The following RBFOX1 variants were observed in gnomAD, a reference collection of about 807,000 sequenced individuals.
RBFOX1 encodes the protein RNA binding fox-1 homolog 1, also known as RNA binding protein fox-1 homolog 1.
Under a neutral mutation model 57.7 loss-of-function variants are expected in RBFOX1, and 8 were observed. That is an observed-to-expected ratio of 0.14 (90% CI 0.08 to 0.25). The LOEUF is 0.25. Among genes scored for constraint, RBFOX1 ranks in the 10% least tolerant of loss-of-function variants. The probability of loss-of-function intolerance (pLI) is 1.00; values close to 1 mark genes in which losing one functional copy is unlikely to be tolerated. For missense variants in RBFOX1, 611 were observed against 548.5 expected (o/e 1.11, Z -1.14); for synonymous variants, 326 against 222.4 (o/e 1.47, Z -4.15).
intron 4 of RBFOX1, among the ~76,000 whole-genome samples, chr16:7,284,338 C>A (rs1220988555): frequency 2.0e-5 from 3 of 152,068 alleles, no homozygotes; most frequent in African/African-American, 7.2e-5. Context: ...TAACTTTATT[C>A]ATTCATTTAA....
At chr16:6,730,696 T>A (rs1299013601) in intron 3 of RBFOX1, among the ~76,000 whole-genome samples, 1 of 152,208 alleles carries the variant, frequency 6.6e-6, no homozygotes, top group Non-Finnish European at 1.5e-5. Context: ...GAAATGCCAC[T>A]GTCCAAACGA....
intron 3 of RBFOX1, among the ~76,000 whole-genome samples, chr16:6,870,459 C>G (rs779707466): frequency 6.6e-6 from 1 of 152,110 alleles, no homozygotes; most frequent in Non-Finnish European, 1.5e-5. Context: ...AGTTGACACA[C>G]GTCTGGCTAG....
At chr16:7,124,183 CA>C (rs1268174557) in intron 4 of RBFOX1, among the ~76,000 whole-genome samples, 1 of 152,128 alleles carries the variant, frequency 6.6e-6, no homozygotes, top group Non-Finnish European at 1.5e-5. Flanking sequence ...TCTGTAATGA[CA>C]GCACTTCGGG....
At chr16:7,176,011 TGTGA>T (rs1478798369) in intron 4 of RBFOX1, among the ~76,000 whole-genome samples, 1 of 152,020 alleles carries the variant, frequency 6.6e-6, no homozygotes, top group Non-Finnish European at 1.5e-5. Context: ...AGCCATCCGA[TGTGA>T]GTGTCAGTTC....
intron 1 of RBFOX1, among the ~76,000 whole-genome samples, chr16:5,444,440 A>G (rs1421337139): frequency 6.6e-6 from 1 of 152,210 alleles, no homozygotes; most frequent in African/African-American, 2.4e-5. Context: ...CAAACAGAGC[A>G]TGAAGAAAAT....
chr16:7,320,647 G>A (rs958177838), intron 4 of RBFOX1, among the ~76,000 whole-genome samples: 9 of 152,198 alleles, frequency 5.9e-5, no homozygotes, highest in Admixed American at 1.3e-4. Flanking sequence ...ATGAAACTGG[G>A]ATAATTGAAG....
intron 4 of RBFOX1, among the ~76,000 whole-genome samples, chr16:7,149,842 G>C (rs373087618): frequency 6.6e-6 from 1 of 152,122 alleles, no homozygotes; most frequent in African/African-American, 2.4e-5. Context: ...AAGGCTCCCA[G>C]TCGGAGCACC....
chr16:7,072,919 A>C (rs544867769), intron 4 of RBFOX1, among the ~76,000 whole-genome samples: 12 of 152,328 alleles, frequency 7.9e-5, no homozygotes, highest in African/African-American at 2.6e-4. Flanking sequence ...ACCGGTTGCT[A>C]CAGAAAGGAC....
In RBFOX1 at chr16:6,681,109, G is replaced by A. The variant is rs564221329; in HGVS notation, c.-16+26459G>A. Among the ~76,000 whole-genome samples the A allele has an allele frequency of 2.6e-5, 4 of 152,086 alleles. No individual in the cohort carries two copies. In the South Asian group the frequency reaches 6.2e-4, roughly 24 times the overall value. The stretch of plus-strand genomic sequence containing the variant: ...GTGGATCATTTGAGGTCAGGAGTTC[G>A]AGACCATCCTGGGAAACATGGTGAG... On this transcript the variant is annotated intron_variant, in intron 3 of 15. Transcript: ENST00000550418.
chr16:7,036,607 C>T (rs994910204), intron 3 of RBFOX1, among the ~76,000 whole-genome samples: 1 of 151,814 alleles, frequency 6.6e-6, no homozygotes, highest in Non-Finnish European at 1.5e-5. Flanking sequence ...GCTGGAGAAT[C>T]GCTTGAAACC....
At chr16:6,658,213 G>A (rs924267507) in intron 3 of RBFOX1, among the ~76,000 whole-genome samples, 1 of 151,348 alleles carries the variant, frequency 6.6e-6, no homozygotes, top group Non-Finnish European at 1.5e-5. Flanking sequence ...AAGATAAACT[G>A]TGAATTTCAA....
rs909035260 is a variant in RBFOX1 at position 6,655,784 on chromosome 16, G to T, written c.-16+1134G>T. Among the ~76,000 whole-genome samples, 36 of 152,134 alleles carry T rather than the reference G, an allele frequency of 2.4e-4. 1 individual carries two copies. Among genetic ancestry groups the T allele is most frequent in the Admixed American group, 1.7e-3 (26 of 15,268 alleles). On this transcript the variant is annotated intron_variant, in intron 3 of 15. Transcript: ENST00000550418. ...GTTTGAAAGATGTTTCTCCTTTCAAGTGTACCATTATTGTCAAATGGGTTA... is the reference window on the plus strand; with the variant it reads ...GTTTGAAAGATGTTTCTCCTTTCAATTGTACCATTATTGTCAAATGGGTTA...
At chr16:7,539,014 T>C (rs2082221768) in intron 5 of RBFOX1, among the ~76,000 whole-genome samples, 1 of 152,042 alleles carries the variant, frequency 6.6e-6, no homozygotes, top group South Asian at 2.1e-4. Flanking sequence ...GAAATGAGAG[T>C]AGAAGCTGCA....
rs77288190 is a variant in RBFOX1, at chr16:7,330,356, A to G, written c.28-187791A>G. Among the ~76,000 whole-genome samples, 998 of 150,490 alleles carry G rather than the reference A, an allele frequency of 6.6e-3. 12 individuals carry two copies. The highest frequency in any genetic ancestry group is 0.022 in the African/African-American group (893 of 40,804). On this transcript the variant is annotated intron_variant, in intron 4 of 15. Transcript: ENST00000550418. ...GTTTAGGAAATAATGACAAGAACAA[A>G]CAGTCTGTATATGTTCAGTGCAGGT...
intron 2 of RBFOX1, among the ~76,000 whole-genome samples, chr16:6,487,610 A>G (rs1424037711): frequency 7.3e-6 from 1 of 136,692 alleles, no homozygotes; most frequent in African/African-American, 2.8e-5. Flanking sequence ...AAGACTTTTC[A>G]AGAAAAGATA....
chr16:7,498,272 G>C (rs2069368334), intron 4 of RBFOX1, among the ~76,000 whole-genome samples: 1 of 152,160 alleles, frequency 6.6e-6, no homozygotes, highest in Non-Finnish European at 1.5e-5. Context: ...GTATTGTAAA[G>C]GAGTGGTGGC....
intron 1 of RBFOX1, among the ~76,000 whole-genome samples, chr16:6,287,047 T>C (rs2076974688): frequency 6.6e-6 from 1 of 151,908 alleles, no homozygotes; most frequent in African/African-American, 2.4e-5. Flanking sequence ...AGATTTTGAG[T>C]TGGGCTGGGT....
chr16:5,329,124 T>A (rs376102071), intron 1 of RBFOX1, among the ~76,000 whole-genome samples: 27 of 152,348 alleles, frequency 1.8e-4, no homozygotes, highest in South Asian at 6.2e-4. Context: ...TTTCCATTTA[T>A]AAATGGAAAC....
chr16:7,653,971 G>T, intron 12 of RBFOX1, 24 bp downstream of exon 12: 1 of 1,474,818 alleles, frequency 6.8e-7, no homozygotes, highest in Non-Finnish European at 8.9e-7. Context: ...CCTCCTGGGT[G>T]GGCCTCCCTG....
Sources: gnomAD v4.1 joint callset for allele counts (sites outside exome capture counted in the v4.1 genomes callset) on GRCh38, gnomAD v4.1.1 for gene constraint, MANE v1.5 for transcripts, NCBI Gene and HGNC (gene_info 2026-07-23, HGNC 2026-07-21) for gene names.